PTPN13: variants seen among roughly 807,000 people sequenced by gnomAD.
PTPN13 encodes tyrosine-protein phosphatase non-receptor type 13.
In PTPN13, 191 loss-of-function variants were observed where a neutral mutation model predicts 284.0. That is an observed-to-expected ratio of 0.67 (90% CI 0.60 to 0.76). The LOEUF (loss-of-function observed/expected upper bound fraction) is 0.76, where lower values mean the gene tolerates loss of function less well. Ranked by LOEUF, PTPN13 falls within the 30% of genes least tolerant of loss-of-function variation. The pLI is 0.00. For missense variants in PTPN13, 2,797 were observed against 2,939.9 expected (o/e 0.95, Z 1.12); for synonymous variants, 986 against 1,022.3 (o/e 0.96, Z 0.68).
In PTPN13 at chr4:86,772,959, G is replaced by C. The variant is rs1337715411; in HGVS notation, c.5349+1G>C. On this transcript the variant is annotated splice_donor_variant, in intron 32 of 47. Coordinates refer to ENST00000411767, the MANE Select transcript of PTPN13 (RefSeq NM_080683.3). LOFTEE classifies it high-confidence loss of function. ...AAATCACCTTGAAGACTTTGAACTGGTAAGTTGTTTTCTCTATATTTAAAA... is the reference window on the plus strand; with the variant it reads ...AAATCACCTTGAAGACTTTGAACTGCTAAGTTGTTTTCTCTATATTTAAAA... 6.4e-7 allele frequency: 1 copy of C among 1,561,834 alleles called. No individual in the cohort carries two copies. Among genetic ancestry groups the C allele is most frequent in the Non-Finnish European group, 8.7e-7 (1 of 1,154,498 alleles).
At chr4:86,665,407 T>G (rs754840936) in intron 2 of PTPN13, among the ~76,000 whole-genome samples, 30 of 152,226 alleles carry the variant, frequency 2.0e-4, no homozygotes, top group Admixed American at 3.9e-4. Context: ...GATACTGTAC[T>G]GATCATGTGC....
At position 86,716,578 on chromosome 4, in the gene PTPN13, C is replaced by G; in HGVS notation, c.1244C>G (p.Ser415Cys). 6.2e-7 allele frequency: 1 copy of G among 1,600,264 alleles called. No homozygotes were observed. The highest frequency in any genetic ancestry group is 8.5e-7 in the Non-Finnish European group (1 of 1,173,404). ...TATCATGGTGATGTCTTTAGTACCT[C>G]CAGTGAAAGTCCATCTATTATTTCC... is the stretch of plus-strand genomic sequence containing the variant. ...KTYHGDVFST[S>C]SESPSIISSE... is the part of the protein sequence containing the mutation. Residue 415 changes from serine (S) to cysteine (C), a missense_variant, in exon 8 of 48, where the codon TCC (serine) becomes TGC (cysteine). Ser to Cys is a moderately radical substitution (Grantham distance 112). Coordinates refer to ENST00000411767, the MANE Select transcript of PTPN13 (RefSeq NM_080683.3).
At chr4:86,809,744 C>A in intron 45 of PTPN13, 25 bp from the exon 46 acceptor site, 1 of 1,573,840 alleles carries the variant, frequency 6.4e-7, no homozygotes, top group African/African-American at 1.3e-5. Flanking sequence ...TGTCATGATC[C>A]ACTTATTCTG....
intron 1 of PTPN13, among the ~76,000 whole-genome samples, chr4:86,603,939 T>C (rs115778019): frequency 0.03 from 4,586 of 152,190 alleles, 103 homozygotes; most frequent in Non-Finnish European, 0.041. Context: ...TGTAATAATA[T>C]GATTAATTTA....
intron 1 of PTPN13, among the ~76,000 whole-genome samples, chr4:86,610,749 T>C (rs1235643318): frequency 2.0e-5 from 3 of 152,230 alleles, no homozygotes; most frequent in Non-Finnish European, 4.4e-5. Context: ...ACAAAACATG[T>C]CAGCAGGCCA....
In PTPN13 at chr4:86,767,981, G is replaced by A. The variant is rs1368475012; in HGVS notation, c.4489+5G>A. ...ACTACAGCTTTGTCACTGAAGGTCA[G>A]GCCTTGGGAGACTACAATCTCACCT... On this transcript the variant is annotated splice_donor_5th_base_variant and intron_variant, in intron 28 of 47. Transcript: ENST00000411767. 1 of 1,597,692 alleles carries A rather than the reference G, an allele frequency of 6.3e-7. No individual in the cohort carries two copies. Among genetic ancestry groups the A allele is most frequent in the Non-Finnish European group, 8.5e-7 (1 of 1,175,600 alleles).
At chr4:86,707,786 T>C (rs1337554486) in intron 7 of PTPN13, among the ~76,000 whole-genome samples, 3 of 152,188 alleles carry the variant, frequency 2.0e-5, no homozygotes, top group Non-Finnish European at 4.4e-5. Context: ...CTATTTGATT[T>C]ATATCAGTTC....
In PTPN13 at chr4:86,716,625, G is replaced by A. The variant is rs757903934; in HGVS notation, c.1291G>A (p.Val431Met). The change falls in exon 8 of 48, where the codon GTG becomes ATG. Residue 431 changes from valine (V) to methionine (M), a missense_variant and splice_region_variant. Physicochemically the swap from Val to Met is conservative, Grantham distance 21. Transcript: ENST00000411767. ...TTCCTCTGAATCAGATTTCAGACAA[G>A]GTAGGAGGCATCTGAAACAAGCAAA... is the stretch of plus-strand genomic sequence containing the variant. ...IISSESDFRQ[V>M]RRSEASKRFE... 2 of 1,556,892 alleles carry A rather than the reference G, an allele frequency of 1.3e-6. No homozygotes were observed. Among genetic ancestry groups the A allele is most frequent in the East Asian group, 2.3e-5 (1 of 44,078 alleles).
chr4:86,774,449 G>T lies in PTPN13; in HGVS notation c.5426G>T (p.Arg1809Ile), dbSNP rs1565544726. Residue 1809 changes from arginine (R) to isoleucine (I), a missense_variant, in exon 33 of 48, where the codon AGA (arginine) becomes ATA (isoleucine). By Grantham distance (97) the Arg-to-Ile change is moderately conservative. Coordinates refer to ENST00000411767, the MANE Select transcript of PTPN13 (RefSeq NM_080683.3). ...TTTACAGTAACCAAAGGCAATCAGA[G>T]AATTGGTTGTTATGTTCATGATGTC... ...LGFTVTKGNQ[R>I]IGCYVHDVIQ... 1 of 1,605,320 alleles carries T rather than the reference G, an allele frequency of 6.2e-7. No homozygotes were observed. The highest frequency in any genetic ancestry group is 1.7e-5 in the Admixed American group (1 of 58,840).
At chr4:86,595,702 G>A (rs1296046711) in intron 1 of PTPN13, 42 of 983,720 alleles carry the variant, frequency 4.3e-5, no homozygotes, top group Non-Finnish European at 5.1e-5. Context: ...GAGCTCCCTC[G>A]CAGAAAATGG....
At chr4:86,731,527 T>TA (rs951649050) in intron 10 of PTPN13, among the ~76,000 whole-genome samples, 2 of 152,224 alleles carry the variant, frequency 1.3e-5, no homozygotes, top group Non-Finnish European at 2.9e-5. Flanking sequence ...TGCCACTATT[T>TA]AAAACGAAAA....
intron 1 of PTPN13, among the ~76,000 whole-genome samples, chr4:86,628,522 TC>T (rs1365921552): frequency 1.4e-5 from 2 of 146,660 alleles, no homozygotes; most frequent in African/African-American, 5.1e-5. Context: ...TTTATTATAC[TC>T]TAAGTTTTAG....
intron 1 of PTPN13, among the ~76,000 whole-genome samples, chr4:86,620,256 C>T (rs985372292): frequency 6.6e-6 from 1 of 152,146 alleles, no homozygotes; most frequent in East Asian, 1.9e-4. Context: ...GCCTTGACTT[C>T]CCCAGCTCAA....
rs773659726 is a variant in PTPN13, at chr4:86,741,772, G to T, written c.2443G>T (p.Val815Phe). 6.2e-7 allele frequency: 1 copy of T among 1,611,810 alleles called. No individual in the cohort carries two copies. Among genetic ancestry groups the T allele is most frequent in the South Asian group, 1.1e-5 (1 of 90,516 alleles). Reference protein sequence around the residue: ...FEVHNGVRTLVLRFPWRETKK... With the variant: ...FEVHNGVRTLFLRFPWRETKK... ...AGTTCACAATGGAGTGCGCACATTG[G>T]TCCTTCGCTTTCCATGGAGGGAAAC... Residue 815 changes from valine to phenylalanine, a missense_variant, in exon 16 of 48, where the codon GTC (valine) becomes TTC (phenylalanine). Val to Phe is a conservative substitution (Grantham distance 50). Coordinates refer to ENST00000411767, the MANE Select transcript of PTPN13 (RefSeq NM_080683.3).
intron 7 of PTPN13, among the ~76,000 whole-genome samples, chr4:86,713,530 A>G (rs1732671077): frequency 6.6e-6 from 1 of 152,082 alleles, no homozygotes; most frequent in African/African-American, 2.4e-5. Flanking sequence ...GGATGCAATC[A>G]TTTAGAAAAA....
At chr4:86,711,856 G>C (rs538743886) in intron 7 of PTPN13, among the ~76,000 whole-genome samples, 1 of 152,248 alleles carries the variant, frequency 6.6e-6, no homozygotes, top group Non-Finnish European at 1.5e-5. Context: ...TGCAATGAAG[G>C]TGGCTACACA....
chr4:86,730,548 G>C (rs7660864), intron 10 of PTPN13, among the ~76,000 whole-genome samples: 9,447 of 149,792 alleles, frequency 0.063, 1,287 homozygotes, highest in African/African-American at 0.22. Flanking sequence ...TGCAGCCTCG[G>C]AAGTTGATCT....
In PTPN13 at chr4:86,751,041, C is replaced by A. The variant is rs529404601; in HGVS notation, c.3083C>A (p.Ala1028Glu). 6.2e-7 allele frequency: 1 copy of A among 1,606,564 alleles called. No individual in the cohort carries two copies. Among genetic ancestry groups the A allele is most frequent in the East Asian group, 2.2e-5 (1 of 44,804 alleles). The change falls in exon 19 of 48, where the codon GCG (alanine) becomes GAG (glutamate). Residue 1028 changes from alanine (A) to glutamate (E), a missense_variant. Transcript: ENST00000411767. The stretch of plus-strand genomic sequence containing the variant: ...TCCCTCTTCAGTTCAAAGTCTGTTG[C>A]GAGTTTAAATAGAAGTCCTGAAAGG... Reference protein sequence around the residue: ...VTKLNNSKSVASLNRSPERRK... With the variant: ...VTKLNNSKSVESLNRSPERRK...
rs766681735 is a variant in PTPN13 at position 86,763,188 on chromosome 4, C to T, written c.4015C>T (p.Gln1339Ter). The T allele has an allele frequency of 5.6e-6, 9 of 1,602,734 alleles. No individual in the cohort carries two copies. In the Admixed American group the frequency reaches 1.4e-4, roughly 25 times the overall value. Residue 1339 changes from glutamine (Q) to a stop codon, truncating the protein, a stop_gained and splice_region_variant, in exon 24 of 48, where the codon CAG (glutamine) becomes TAG (stop). Transcript: ENST00000411767. LOFTEE classifies it high-confidence loss of function. ...SSSQDHQTPKQESSSSVNTSN... is the reference protein window; with the variant it reads ...SSSQDHQTPK ...CAGTCAGGATCATCAAACACCAAAACAGGCATAGTTTAATTTTAATATTTT... is the reference window on the plus strand; with the variant it reads ...CAGTCAGGATCATCAAACACCAAAATAGGCATAGTTTAATTTTAATATTTT...
Sources: allele counts gnomAD v4.1 joint callset (sites outside exome capture counted in the v4.1 genomes callset), GRCh38; gene constraint gnomAD v4.1.1; transcripts MANE v1.5; gene names NCBI Gene and HGNC (gene_info 2026-07-23, HGNC 2026-07-21).